The following INPP5D variants were observed in gnomAD, a reference collection of about 807,000 sequenced individuals.
The protein encoded by INPP5D is inositol polyphosphate-5-phosphatase D.
Under a neutral mutation model 122.9 loss-of-function variants are expected in INPP5D, and 33 were observed. The observed-to-expected ratio is 0.27, with a 90% confidence interval of 0.20 to 0.36. The LOEUF is 0.36. INPP5D is among the 10% of genes least tolerant of loss of function. INPP5D has a pLI of 1.00. For missense variants in INPP5D, 1,053 were observed against 1,412.7 expected, an observed-to-expected ratio of 0.75 and a Z score of 4.08; for synonymous variants, 584 against 576.2, an observed-to-expected ratio of 1.01 and a Z score of -0.19.
intron 9 of INPP5D, among the ~76,000 whole-genome samples, chr2:233,152,727 G>A (rs937062280): frequency 2.6e-5 from 4 of 152,180 alleles, no homozygotes; most frequent in East Asian, 1.9e-4. Context: ...CAAGTATGGC[G>A]TGTGAGACGG....
intron 4 of INPP5D, among the ~76,000 whole-genome samples, chr2:233,130,009 C>T (rs1205466644): frequency 6.6e-6 from 1 of 152,126 alleles, no homozygotes; most frequent in Non-Finnish European, 1.5e-5. Flanking sequence ...TCAAATGATT[C>T]TCCTGTCTCA....
rs79340715 is a variant in INPP5D at position 233,107,579 on chromosome 2, C to T, written c.199-14528C>T. On this transcript the variant is annotated intron_variant, in intron 2 of 26. Transcript: ENST00000445964. ...GCCAGGTGATTCTGGGAAGTCTGCCCAAAACAAGGCGAGAGGAATGTCGAA... is the reference window on the plus strand; with the variant it reads ...GCCAGGTGATTCTGGGAAGTCTGCCTAAAACAAGGCGAGAGGAATGTCGAA... 2.0e-3 allele frequency among the ~76,000 whole-genome samples: 307 copies of T among 152,248 alleles called. 2 individuals are homozygous for T. Among genetic ancestry groups the T allele is most frequent in the East Asian group, 0.013 (67 of 5,180 alleles).
intron 18 of INPP5D, among the ~76,000 whole-genome samples, chr2:233,178,459 ATTATTTATTTATTTATTTAT>A (rs58617952): frequency 4.8e-5 from 7 of 145,412 alleles, no homozygotes; most frequent in Admixed American, 3.5e-4. Context: ...GTGGTATTTT[ATTATTTATTTATTTATTTAT>A]TTATTTATTT....
chr2:233,190,599 C>T (rs1373863776), intron 22 of INPP5D, among the ~76,000 whole-genome samples: 1 of 152,190 alleles, frequency 6.6e-6, no homozygotes, highest in Non-Finnish European at 1.5e-5. Context: ...TGCTCAGCAT[C>T]GCCTGGTGCC....
In INPP5D at chr2:233,169,091, G is replaced by A. The variant is rs376864359; in HGVS notation, c.1556-214G>A. Among the ~76,000 whole-genome samples the A allele has an allele frequency of 1.2e-4, 19 of 152,230 alleles. 1 individual carries two copies. In the South Asian group the frequency reaches 3.1e-3, roughly 25 times the overall value. The stretch of plus-strand genomic sequence containing the variant: ...AGCAGCCACCTTCCTCTGCCCCGCC[G>A]AGAAGGCTGAGGCTGCCGCCATCTG... On this transcript the variant is annotated intron_variant, in intron 13 of 26. Coordinates refer to ENST00000445964, the MANE Select transcript of INPP5D (RefSeq NM_001017915.3).
chr2:233,083,736 C>T (rs1006701991), intron 2 of INPP5D, among the ~76,000 whole-genome samples: 2 of 152,288 alleles, frequency 1.3e-5, no homozygotes, highest in East Asian at 1.9e-4. Context: ...TCCTGCAAGC[C>T]GCCCTCATGG....
At chr2:233,104,102 C>A (rs1333188470) in intron 2 of INPP5D, among the ~76,000 whole-genome samples, 2 of 149,744 alleles carry the variant, frequency 1.3e-5, no homozygotes, top group Admixed American at 1.3e-4. Context: ...CCTCTGCCTC[C>A]CAGGTTCAAG....
At chr2:233,096,089 T>A (rs1207391049) in intron 2 of INPP5D, among the ~76,000 whole-genome samples, 1 of 152,220 alleles carries the variant, frequency 6.6e-6, no homozygotes, top group African/African-American at 2.4e-5. Context: ...AGACAGATGC[T>A]ACAATAAGCA....
chr2:233,144,144 T>C (rs1693686689), intron 6 of INPP5D, among the ~76,000 whole-genome samples: 1 of 146,728 alleles, frequency 6.8e-6, no homozygotes, highest in Admixed American at 6.8e-5. Context: ...ACGGTGGGTC[T>C]GGTAGGGGTA....
At chr2:233,137,064 T>A (rs1407795992) in intron 5 of INPP5D, among the ~76,000 whole-genome samples, 1 of 152,156 alleles carries the variant, frequency 6.6e-6, no homozygotes, top group Non-Finnish European at 1.5e-5. Flanking sequence ...GTCACCTAAT[T>A]CTCTCTTCAA....
chr2:233,180,109 G>A (rs150736244), intron 18 of INPP5D, among the ~76,000 whole-genome samples: 301 of 152,176 alleles, frequency 2.0e-3, no homozygotes, highest in African/African-American at 6.9e-3. Flanking sequence ...TCCCAGATTC[G>A]AGTGTCACCA....
At chr2:233,191,767 G>T (rs1695062004) in intron 22 of INPP5D, among the ~76,000 whole-genome samples, 1 of 152,198 alleles carries the variant, frequency 6.6e-6, no homozygotes, top group Non-Finnish European at 1.5e-5. Flanking sequence ...GGGAGGCAGA[G>T]GAGAATGCGC....
intron 4 of INPP5D, 23 bp from the exon 5 acceptor site, chr2:233,130,485 T>G: frequency 1.2e-6 from 2 of 1,611,552 alleles, no homozygotes; most frequent in Non-Finnish European, 1.7e-6. Context: ...AAGCATAGTT[T>G]GTTTCTTTTT....
intron 5 of INPP5D, among the ~76,000 whole-genome samples, chr2:233,131,922 T>C (rs1693339141): frequency 1.3e-5 from 2 of 152,226 alleles, no homozygotes; most frequent in African/African-American, 4.8e-5. Context: ...ACTTTCCTTT[T>C]AAAGGCTTTT....
In INPP5D at chr2:233,204,346, C is replaced by A; in HGVS notation, c.3196C>A (p.Gln1066Lys). 6.2e-7 allele frequency: 1 copy of A among 1,610,684 alleles called. No individual in the cohort carries two copies. The highest frequency in any genetic ancestry group is 8.5e-7 in the Non-Finnish European group (1 of 1,178,424). ...GCCCAGCATCGTGCTCACCAAAGCCCAGGAGGCTGATCGCGGCGAGGGGCC... is the reference window on the plus strand; with the variant it reads ...GCCCAGCATCGTGCTCACCAAAGCCAAGGAGGCTGATCGCGGCGAGGGGCC... The part of the protein sequence containing the change: ...LSPSIVLTKA[Q>K]EADRGEGPGK... Residue 1066 changes from glutamine (Q) to lysine (K), a missense_variant, in exon 26 of 27, where the codon CAG becomes AAG. By Grantham distance (53) the Gln-to-Lys change is moderately conservative (BLOSUM62 1). This residue lies in a region of INPP5D where 417 missense variants were observed against 425.8 expected (regional missense o/e 0.98). Coordinates refer to ENST00000445964, the MANE Select transcript of INPP5D (RefSeq NM_001017915.3).
At chr2:233,136,619 C>T (rs187804955) in intron 5 of INPP5D, among the ~76,000 whole-genome samples, 24 of 152,160 alleles carry the variant, frequency 1.6e-4, no homozygotes, top group African/African-American at 1.7e-4. Context: ...TTGATTTATT[C>T]GATATTCATG....
At chr2:233,147,937 G>T (rs1339579103) in intron 9 of INPP5D, among the ~76,000 whole-genome samples, 1 of 152,240 alleles carries the variant, frequency 6.6e-6, no homozygotes. Context: ...TAGCAGCTGT[G>T]TGACCTGGGA....
chr2:233,180,993 T>G (rs1242401774), intron 18 of INPP5D, among the ~76,000 whole-genome samples: 1 of 152,208 alleles, frequency 6.6e-6, no homozygotes, highest in Non-Finnish European at 1.5e-5. Flanking sequence ...GTTTTTAGGC[T>G]GATGCCCTCG....
chr2:233,083,590 C>A (rs1196888495), intron 2 of INPP5D, among the ~76,000 whole-genome samples: 11 of 152,172 alleles, frequency 7.2e-5, no homozygotes, highest in Non-Finnish European at 5.9e-5. Flanking sequence ...AAACTCCTTT[C>A]TTGACTTGGA....
Sources: gnomAD v4.1 joint callset for allele counts (sites outside exome capture counted in the v4.1 genomes callset) on GRCh38, gnomAD v4.1.1 for gene constraint, gnomAD v4.1.1 regional missense constraint, MANE v1.5 for transcripts, NCBI Gene and HGNC (gene_info 2026-07-23, HGNC 2026-07-21) for gene names.